Variants in PHF23 observed in about 807,000 individuals in gnomAD.
The protein encoded by PHF23 is PDH-containing protein JUNE-1.
Under a neutral mutation model 36.0 loss-of-function variants are expected in PHF23, and 3 were observed. The observed-to-expected ratio is 0.08, with a 90% confidence interval of 0.04 to 0.22. PHF23 has a LOEUF of 0.22. Among genes scored for constraint, PHF23 ranks in the 10% least tolerant of loss-of-function variants. The probability of loss-of-function intolerance (pLI) is 1.00; values close to 1 mark genes in which losing one functional copy is unlikely to be tolerated. For synonymous variants in PHF23, 242 were observed against 192.5 expected (o/e 1.26, Z -2.13); for missense variants, 475 against 513.6 (o/e 0.92, Z 0.73).
chr17:7,239,526 T>C (rs1310526599), upstream of PHF23: 41 of 299,776 alleles, frequency 1.4e-4, no homozygotes, highest in Middle Eastern at 1.1e-3. Flanking sequence ...CCACCTCCTC[T>C]CTCCTCCCTC....
chr17:7,236,201 G>T lies in PHF23; in HGVS notation c.726C>A (p.Pro242=). ...CCTCCTCTTCAGAGTCTGTATCACTGGGGGGTGCCTGGGGAGGCCCAGGAG... is the reference window on the plus strand; with the variant it reads ...CCTCCTCTTCAGAGTCTGTATCACTTGGGGGTGCCTGGGGAGGCCCAGGAG... ...LPPPGPPQAP[P]SDTDSEEEEE... is the part of the protein sequence containing the mutation. The change falls in exon 4 of 5, where the codon CCC becomes CCA. Residue 242 remains proline, a synonymous_variant. Transcript: ENST00000320316. This position sits in a 1 kb window ranked among gnomAD's most constrained non-coding sequence, Gnocchi z 5.1. 4.3e-6 allele frequency: 7 copies of T among 1,612,064 alleles called. No homozygotes were observed. Among genetic ancestry groups the T allele is most frequent in the Non-Finnish European group, 5.9e-6 (7 of 1,178,970 alleles).
intron 1 of PHF23, 43 bp from the exon 2 acceptor site, chr17:7,237,703 C>A (rs373356133): frequency 1.2e-6 from 2 of 1,605,986 alleles, no homozygotes; most frequent in Non-Finnish European, 1.7e-6. Context: ...TAGGAACAAT[C>A]TGTGTAAAAC....
In PHF23 at chr17:7,236,433, G is replaced by A; in HGVS notation, c.494C>T (p.Thr165Ile). 6.2e-7 allele frequency: 1 copy of A among 1,613,572 alleles called. No homozygotes were observed. The highest frequency in any genetic ancestry group is 8.5e-7 in the Non-Finnish European group (1 of 1,179,830). Residue 165 changes from threonine (T) to isoleucine (I), a missense_variant, in exon 4 of 5, where the codon ACC becomes ATC. Physicochemically the swap from Thr to Ile is moderately conservative, Grantham distance 89. This residue lies in a region of PHF23 where 350 missense variants were observed against 319.8 expected (regional missense o/e 1.09). Transcript: ENST00000320316. This position sits in a 1 kb window ranked among gnomAD's most constrained non-coding sequence, Gnocchi z 5.1. ...GTCCCCCTGGGAAAGGGGCACGGGG[G>A]TAAGAGCAGCAGGGGGCCGGGAGGT... ...THTSRPPAAL[T>I]PVPLSQGDLS...
Position 7,235,235 on chromosome 17 carries a change from A to T in PHF23, c.*391T>A, listed in dbSNP as rs1170260577. ...AAAATTAAAAATACAACCGGTGTAG[A>T]AGAAAATAAATGGGGAGTGAAATAG... On this transcript the variant is annotated 3_prime_UTR_variant, in exon 5 of 5. Coordinates refer to ENST00000320316, the MANE Select transcript of PHF23 (RefSeq NM_024297.3). The T allele has an allele frequency of 3.9e-6, 1 of 257,424 alleles. No individual in the cohort carries two copies. The highest frequency in any genetic ancestry group is 7.7e-6 in the Non-Finnish European group (1 of 130,064). The allele number at this position is 257,424 out of a possible 1,614,324, so 15.9% of individuals were successfully genotyped here.
chr17:7,240,810 C>G, upstream of PHF23: 1 of 1,380,120 alleles, frequency 7.2e-7, no homozygotes, highest in Non-Finnish European at 1.0e-6. Context: ...GGCCACCTCT[C>G]TCTTTGTAGA....
chr17:7,237,474 G>C lies in PHF23; in HGVS notation c.70C>G (p.Pro24Ala). The change falls in exon 3 of 5, where the codon CCA (proline) becomes GCA (alanine). Residue 24 changes from proline to alanine, a missense_variant. Physicochemically the swap from Pro to Ala is conservative, Grantham distance 27 (BLOSUM62 -1). This residue lies in a region of PHF23 where 54 missense variants were observed against 42.0 expected (regional missense o/e 1.28). Transcript: ENST00000320316. ...TCAATTGTTCTCCGCCGTTTCTCTGGTGGCTGAAAGGAAGGAGATATGGAT... is the reference window on the plus strand; with the variant it reads ...TCAATTGTTCTCCGCCGTTTCTCTGCTGGCTGAAAGGAAGGAGATATGGAT... ...PPTLKPETQPPEKRRRTIEDF... is the reference protein window; with the variant it reads ...PPTLKPETQPAEKRRRTIEDF... The C allele has an allele frequency of 6.2e-7, 1 of 1,613,902 alleles. No homozygotes were observed. Among genetic ancestry groups the C allele is most frequent in the Non-Finnish European group, 8.5e-7 (1 of 1,179,888 alleles).
chr17:7,239,403 G>C lies in PHF23; in HGVS notation c.-124C>G, dbSNP rs2071748094. The C allele has an allele frequency of 3.9e-6, 2 of 518,314 alleles. No homozygotes were observed. The highest frequency in any genetic ancestry group is 2.0e-5 in the African/African-American group (1 of 50,190). The allele number at this position is 518,314 out of a possible 1,614,324, so 32.1% of individuals were successfully genotyped here. On this transcript the variant is annotated 5_prime_UTR_variant, in exon 1 of 5. Transcript: ENST00000320316. ...GAAGTGTCCGCCTCAGCCCGGTTGA[G>C]ACTCGAGTCCGCTAGCCGCTGCCGC... is the stretch of plus-strand genomic sequence containing the variant.
chr17:7,237,512 C>T, intron 2 of PHF23, 35 bp from the exon 3 acceptor site: 1 of 1,609,046 alleles, frequency 6.2e-7, no homozygotes, highest in Non-Finnish European at 8.5e-7. Flanking sequence ...CATGCAAAGC[C>T]ACACAGTTTA....
chr17:7,235,253 TG>T lies in PHF23; in HGVS notation c.*372del. ...GGTGTAGAAGAAAATAAATGGGGAG[TG>T]AAATAGAAGAAAAGATGAGGGAGGG... On this transcript the variant is annotated 3_prime_UTR_variant, in exon 5 of 5. Transcript: ENST00000320316. The T allele has an allele frequency of 4.0e-6, 1 of 251,288 alleles. No individual in the cohort carries two copies. The highest frequency in any genetic ancestry group is 7.9e-6 in the Non-Finnish European group (1 of 126,724). 15.6% of individuals were successfully genotyped at this position (251,288 alleles called of 1,614,324 possible). A position where few individuals can be genotyped will look rare whatever the true frequency, so the allele number is the denominator to read the frequency against.
Position 7,236,034 on chromosome 17 carries a change from C to T in PHF23, c.893G>A (p.Ser298Asn). 6.2e-7 allele frequency: 1 copy of T among 1,614,042 alleles called. No homozygotes were observed. The highest frequency in any genetic ancestry group is 1.7e-5 in the Admixed American group (1 of 60,010). The change falls in exon 4 of 5, where the codon AGT becomes AAT. Residue 298 changes from serine (S) to asparagine (N), a missense_variant. Coordinates refer to ENST00000320316, the MANE Select transcript of PHF23 (RefSeq NM_024297.3). The surrounding 1 kb of genome is among the most constrained non-coding windows in gnomAD (Gnocchi z 5.1). ...VHPEGVPPAD[S>N]ESKEVGSTET... is the part of the protein sequence containing the mutation. ...AGTGCTGCCCACCTCCTTGCTTTCA[C>T]TGTCAGCAGGAGGGACTCCTTCAGG...
rs1406132910 is a variant in PHF23, at chr17:7,238,926, C to T, written c.34+320G>A. The T allele has an allele frequency of 8.3e-5, 126 of 1,523,304 alleles. 2 individuals are homozygous for T. The highest frequency in any genetic ancestry group is 3.2e-5 in the Non-Finnish European group (36 of 1,139,696). 94.4% of individuals were successfully genotyped at this position (1,523,304 alleles called of 1,614,324 possible). A position where few individuals can be genotyped will look rare whatever the true frequency, so the allele number is the denominator to read the frequency against. ...TCCTCCCTCCTGAGCAACTCTCCGGCCACTGGATTCCCCTAACCTTCCAGT... is the reference window on the plus strand; with the variant it reads ...TCCTCCCTCCTGAGCAACTCTCCGGTCACTGGATTCCCCTAACCTTCCAGT... On this transcript the variant is annotated intron_variant, in intron 1 of 4. Transcript: ENST00000320316.
chr17:7,237,347 C>A (rs1221211119), intron 3 of PHF23, 38 bp downstream of exon 3: 23 of 1,536,768 alleles, frequency 1.5e-5, no homozygotes, highest in Non-Finnish European at 1.9e-5. Context: ...TATAGTCCCA[C>A]CACACCAGCC....
At chr17:7,240,694 C>A, upstream of PHF23, 1 of 601,722 alleles carries the variant, frequency 1.7e-6, no homozygotes, top group South Asian at 2.0e-5. Context: ...CCACCATTAC[C>A]CCTCCTAAGA....
rs2071662321 is a variant in PHF23 at position 7,236,267 on chromosome 17, C to T, written c.660G>A (p.Lys220=). The T allele has an allele frequency of 6.2e-7, 1 of 1,613,582 alleles. No individual in the cohort carries two copies. The highest frequency in any genetic ancestry group is 8.5e-7 in the Non-Finnish European group (1 of 1,179,718). The part of the protein sequence containing the change: ...EKRSRIKKSK[K]RKLKKAERGD... ...CCCGTTCTGCCTTTTTTAACTTCCG[C>T]TTCTTGCTCTTCTTGATTCGAGATC... The change falls in exon 4 of 5, where the codon AAG becomes AAA. Residue 220 remains lysine (K), a synonymous_variant. Transcript: ENST00000320316. The surrounding 1 kb of genome is among the most constrained non-coding windows in gnomAD (Gnocchi z 5.1).
At chr17:7,239,871 C>G (rs1185594304), upstream of PHF23, 1 of 152,334 alleles carries the variant, frequency 6.6e-6, no homozygotes, top group East Asian at 1.9e-4. Context: ...AGGACCGCCC[C>G]ACTTCCGGCC....
rs2071747448 is a variant in PHF23 at position 7,239,370 on chromosome 17, G to T, written c.-91C>A. On this transcript the variant is annotated 5_prime_UTR_variant, in exon 1 of 5. Transcript: ENST00000320316. ...TAGTGCTCGATGCTCCCACTGCTTCGCTCCACAGAAGTGTCCGCCTCAGCC... is the reference window on the plus strand; with the variant it reads ...TAGTGCTCGATGCTCCCACTGCTTCTCTCCACAGAAGTGTCCGCCTCAGCC... 1 of 681,984 alleles carries T rather than the reference G, an allele frequency of 1.5e-6. No individual in the cohort carries two copies. Among genetic ancestry groups the T allele is most frequent in the East Asian group, 2.9e-5 (1 of 34,448 alleles). 42.2% of individuals were successfully genotyped at this position (681,984 alleles called of 1,614,324 possible). A position where few individuals can be genotyped will look rare whatever the true frequency, so the allele number is the denominator to read the frequency against.
intron 2 of PHF23, 54 bp downstream of exon 2, chr17:7,237,568 AGGGGGGC>A (rs2071694598): frequency 1.3e-6 from 2 of 1,564,390 alleles, no homozygotes; most frequent in Non-Finnish European, 1.7e-6. Context: ...GGTCTAGAAA[AGGGGGGC>A]GGGGGGCGTT....
At chr17:7,240,613 C>G, upstream of PHF23, 1 of 499,112 alleles carries the variant, frequency 2.0e-6, no homozygotes, top group South Asian at 2.3e-5. Context: ...ATCAAGAAGT[C>G]TACAGCAGGA....
upstream of PHF23, chr17:7,239,475 C>T: frequency 2.2e-6 from 1 of 464,280 alleles, no homozygotes; most frequent in Non-Finnish European, 3.9e-6. Flanking sequence ...CGGGCCCCCT[C>T]CCCCCGCGCC....
Sources: allele counts gnomAD v4.1 joint callset, GRCh38; gene constraint gnomAD v4.1.1; regional missense constraint gnomAD v4.1.1; non-coding constraint Gnocchi (gnomAD v3.1); transcripts MANE v1.5; gene names NCBI Gene and HGNC (gene_info 2026-07-23, HGNC 2026-07-21).